STK17A: variants seen among roughly 807,000 people sequenced by gnomAD.
STK17A encodes the protein serine/threonine-protein kinase 17A.
Under a neutral mutation model 43.7 loss-of-function variants are expected in STK17A, and 26 were observed. The ratio of observed to expected loss-of-function variants is 0.60; its 90% CI spans 0.44 to 0.83. The LOEUF (loss-of-function observed/expected upper bound fraction) is 0.83, where lower values mean the gene tolerates loss of function less well. Among genes scored for constraint, STK17A ranks in the 40% least tolerant of loss-of-function variants. The pLI is 0.00. For synonymous variants in STK17A, 191 were observed against 182.5 expected, an observed-to-expected ratio of 1.05 and a Z score of -0.38; for missense variants, 476 against 511.6, an observed-to-expected ratio of 0.93 and a Z score of 0.67.
chr7:43,594,316 A>G (rs1327872722), intron 1 of STK17A, among the ~76,000 whole-genome samples: 1 of 151,606 alleles, frequency 6.6e-6, no homozygotes, highest in Non-Finnish European at 1.5e-5. Flanking sequence ...GGGAAAGGGA[A>G]GAGGGAGTGG....
At chr7:43,610,819 CAAGA>C (rs1324978172) in intron 3 of STK17A, among the ~76,000 whole-genome samples, 11 of 151,270 alleles carry the variant, frequency 7.3e-5, no homozygotes, top group Non-Finnish European at 4.4e-5. Context: ...GGCGCACTCT[CAAGA>C]AGGAGTGTAC....
chr7:43,623,621 G>T lies in STK17A; in HGVS notation c.740+1G>T. 6.2e-7 allele frequency: 1 copy of T among 1,610,650 alleles called. No homozygotes were observed. The highest frequency in any genetic ancestry group is 1.1e-5 in the South Asian group (1 of 90,150). On this transcript the variant is annotated splice_donor_variant, in intron 5 of 6. Transcript: ENST00000319357. LOFTEE classifies it high-confidence loss of function. ...CTATAAGCATGGCAACAGATATGTG[G>T]TAAGAGTTATTAATGAAAAATTGAT...
chr7:43,591,683 T>C (rs1344624878), intron 1 of STK17A, among the ~76,000 whole-genome samples: 3 of 151,444 alleles, frequency 2.0e-5, no homozygotes, highest in Admixed American at 2.0e-4. Flanking sequence ...GATGAATAAG[T>C]ATGGGGAAGA....
chr7:43,584,044 G>A lies in STK17A; in HGVS notation c.206+595G>A, dbSNP rs1196142489. ...CGAGTTTAGATTGGTTTCTTTCGTG[G>A]GCGCTTGGCCCTTTTCTCGCTTTTT... On this transcript the variant is annotated intron_variant, in intron 1 of 6. Transcript: ENST00000319357. Among the ~76,000 whole-genome samples, 5 of 152,170 alleles carry A rather than the reference G, an allele frequency of 3.3e-5. No individual in the cohort carries two copies. In the East Asian group the frequency reaches 5.8e-4, roughly 18 times the overall value.
At chr7:43,624,463 C>T (rs1323355439) in intron 6 of STK17A, 55 bp from the exon 7 acceptor site, 18 of 1,513,212 alleles carry the variant, frequency 1.2e-5, no homozygotes, top group Admixed American at 2.1e-5. Context: ...ACCTTATGCT[C>T]TAATTTTAAT....
At chr7:43,594,875 T>TAAAAAA (rs199560986) in intron 1 of STK17A, among the ~76,000 whole-genome samples, 1 of 107,440 alleles carries the variant, frequency 9.3e-6, no homozygotes. Flanking sequence ...CCCAGTCTCT[T>TAAAAAA]AAAAAAAAAA....
intron 3 of STK17A, among the ~76,000 whole-genome samples, chr7:43,612,015 T>C (rs2082922921): frequency 1.3e-5 from 2 of 152,358 alleles, no homozygotes; most frequent in South Asian, 4.1e-4. Flanking sequence ...ATACCAACTT[T>C]AAGTGTGTAT....
chr7:43,606,916 C>CTTGTTTTTTTTTTTT (rs2082598027), intron 2 of STK17A, among the ~76,000 whole-genome samples: 1 of 62,648 alleles, frequency 1.6e-5, no homozygotes, highest in Non-Finnish European at 2.7e-5. Context: ...TTTCGATTTT[C>CTTGTTTTTTTTTTTT]TTTTTTTTTT....
At chr7:43,612,121 T>C (rs2082935144) in intron 3 of STK17A, among the ~76,000 whole-genome samples, 1 of 152,232 alleles carries the variant, frequency 6.6e-6, no homozygotes, top group Non-Finnish European at 1.5e-5. Context: ...TCTTTCCAGA[T>C]TCAGTAGAGG....
intron 1 of STK17A, among the ~76,000 whole-genome samples, chr7:43,588,466 C>T (rs1452902307): frequency 6.6e-6 from 1 of 151,544 alleles, no homozygotes; most frequent in Non-Finnish European, 1.5e-5. Context: ...TGAATGGACT[C>T]ACTGATTTTT....
intron 4 of STK17A, chr7:43,622,576 G>A (rs2084017580): frequency 6.6e-6 from 1 of 151,928 alleles, no homozygotes; most frequent in Admixed American, 6.6e-5. Flanking sequence ...TAGTTAAGTG[G>A]ATTGTGAGTA....
At chr7:43,589,579 A>G (rs906904065) in intron 1 of STK17A, among the ~76,000 whole-genome samples, 1 of 142,646 alleles carries the variant, frequency 7.0e-6, no homozygotes, top group African/African-American at 2.5e-5. Context: ...CTGTCCAACT[A>G]TAACTCCTAC....
At position 43,588,736 on chromosome 7, in the gene STK17A, G is replaced by A. The variant is rs556816654; in HGVS notation, c.206+5287G>A. ...AGTCCCAGCTACTTGGGAGGCTGAG[G>A]CGGGAGAATTCCTTGAACTTGAGAG... On this transcript the variant is annotated intron_variant, in intron 1 of 6. Coordinates refer to ENST00000319357, the MANE Select transcript of STK17A (RefSeq NM_004760.3). Among the ~76,000 whole-genome samples, 15 of 151,468 alleles carry A rather than the reference G, an allele frequency of 9.9e-5. No individual in the cohort carries two copies. In the South Asian group the frequency reaches 2.9e-3, roughly 29 times the overall value.
At chr7:43,613,859 A>C (rs1049429658) in intron 3 of STK17A, among the ~76,000 whole-genome samples, 1 of 152,160 alleles carries the variant, frequency 6.6e-6, no homozygotes, top group Non-Finnish European at 1.5e-5. Context: ...TTTTTTATTA[A>C]AACATTAATT....
chr7:43,603,614 A>G (rs1224705453), intron 2 of STK17A, among the ~76,000 whole-genome samples: 1 of 152,172 alleles, frequency 6.6e-6, no homozygotes, highest in African/African-American at 2.4e-5. Context: ...CTGACCTTAT[A>G]TATTATCCCA....
At chr7:43,605,480 A>G in intron 2 of STK17A, among the ~76,000 whole-genome samples, 1 of 152,172 alleles carries the variant, frequency 6.6e-6, no homozygotes, top group East Asian at 1.9e-4. Context: ...CTTTGTGAAC[A>G]CTGGGAATTT....
chr7:43,613,107 G>A (rs2083025177), intron 3 of STK17A, among the ~76,000 whole-genome samples: 1 of 152,166 alleles, frequency 6.6e-6, no homozygotes, highest in Non-Finnish European at 1.5e-5. Flanking sequence ...AAGAAATCTG[G>A]TCTTAAAATC....
chr7:43,612,159 G>A (rs897359494), intron 3 of STK17A, among the ~76,000 whole-genome samples: 5 of 152,174 alleles, frequency 3.3e-5, no homozygotes, highest in African/African-American at 1.2e-4. Context: ...GGCCTTTGAT[G>A]TTGGAAACTG....
chr7:43,620,754 G>A (rs751557498), intron 4 of STK17A, among the ~76,000 whole-genome samples: 8 of 152,174 alleles, frequency 5.3e-5, no homozygotes, highest in Non-Finnish European at 1.0e-4. Context: ...TGGATATAAG[G>A]CTGGAAAGGC....
Sources: gnomAD v4.1 joint callset for allele counts (sites outside exome capture counted in the v4.1 genomes callset) on GRCh38, gnomAD v4.1.1 for gene constraint, MANE v1.5 for transcripts, NCBI Gene and HGNC (gene_info 2026-07-23, HGNC 2026-07-21) for gene names.